GABRB3: variants seen among roughly 807,000 people sequenced by gnomAD.
The protein encoded by GABRB3 is gamma-aminobutyric acid type A receptor subunit beta3.
GABRB3 carries 14 observed loss-of-function variants against 52.1 expected under a neutral mutation model. The observed-to-expected ratio is 0.27, with a 90% CI of 0.18 to 0.42. The LOEUF is 0.42. GABRB3 is among the 10% of genes least tolerant of loss of function. The pLI, the probability that GABRB3 is intolerant of heterozygous loss-of-function variation, is 1.00. For synonymous variants in GABRB3, 260 were observed against 232.3 expected (o/e 1.12, Z -1.08); for missense variants, 307 against 609.1 (o/e 0.50, Z 5.22).
At chr15:26,677,060 T>G (rs1426800583) in intron 3 of GABRB3, among the ~76,000 whole-genome samples, 1 of 152,196 alleles carries the variant, frequency 6.6e-6, no homozygotes, top group Non-Finnish European at 1.5e-5. Flanking sequence ...TGGTAGCACA[T>G]GGAATAACAT....
At chr15:26,629,938 C>T (rs960044310) in intron 3 of GABRB3, among the ~76,000 whole-genome samples, 2 of 152,010 alleles carry the variant, frequency 1.3e-5, no homozygotes, top group African/African-American at 4.8e-5. Flanking sequence ...TAAGGTGCAG[C>T]GCCAATCCTG....
chr15:26,604,396 C>T (rs1471154559), intron 4 of GABRB3, among the ~76,000 whole-genome samples: 1 of 152,082 alleles, frequency 6.6e-6, no homozygotes, highest in African/African-American at 2.4e-5. Flanking sequence ...TGACATTCTT[C>T]ACAGAAATAG....
At chr15:26,599,445 A>G (rs1891509387) in intron 4 of GABRB3, among the ~76,000 whole-genome samples, 1 of 152,188 alleles carries the variant, frequency 6.6e-6, no homozygotes. Context: ...GATCCCAAAT[A>G]GCAAAAGGGC....
chr15:26,639,698 CAT>C (rs1405461228), intron 3 of GABRB3, among the ~76,000 whole-genome samples: 1 of 152,200 alleles, frequency 6.6e-6, no homozygotes, highest in Non-Finnish European at 1.5e-5. Context: ...AGTGTATTCA[CAT>C]AGTGTATTCA....
At chr15:26,550,809 G>A (rs1252531552) in intron 8 of GABRB3, among the ~76,000 whole-genome samples, 3 of 152,266 alleles carry the variant, frequency 2.0e-5, no homozygotes, top group Non-Finnish European at 2.9e-5. Flanking sequence ...GTACCTGCAC[G>A]TGTGGCCTAA....
chr15:26,663,583 T>C (rs1208833716), intron 3 of GABRB3, among the ~76,000 whole-genome samples: 1 of 152,226 alleles, frequency 6.6e-6, no homozygotes, highest in South Asian at 2.1e-4. Flanking sequence ...GACTTTCAAC[T>C]TACCTGTGCT....
At chr15:26,757,606 A>G (rs1203339518) in intron 3 of GABRB3, among the ~76,000 whole-genome samples, 1 of 152,262 alleles carries the variant, frequency 6.6e-6, no homozygotes, top group African/African-American at 2.4e-5. Flanking sequence ...AAGCTTAAGT[A>G]TTTAGAAGGA....
At chr15:26,647,679 A>C (rs1316478611) in intron 3 of GABRB3, among the ~76,000 whole-genome samples, 13 of 151,334 alleles carry the variant, frequency 8.6e-5, no homozygotes, top group Non-Finnish European at 1.5e-5. Flanking sequence ...GACCGTTTGG[A>C]ATGCAGTCTG....
intron 7 of GABRB3, 145 bp from the exon 8 acceptor site, chr15:26,561,321 C>T: frequency 8.7e-7 from 1 of 1,149,930 alleles, no homozygotes; most frequent in South Asian, 1.3e-5. Flanking sequence ...TGCAACAGAG[C>T]ATACATCTTG....
At chr15:26,648,295 T>C (rs775821802) in intron 3 of GABRB3, among the ~76,000 whole-genome samples, 1 of 152,242 alleles carries the variant, frequency 6.6e-6, no homozygotes, top group Non-Finnish European at 1.5e-5. Context: ...GGTTCATCCA[T>C]GTGGAAACAT....
At chr15:26,773,265 G>C (rs1174118141), upstream of GABRB3, among the ~76,000 whole-genome samples, 4 of 150,058 alleles carry the variant, frequency 2.7e-5, no homozygotes, top group Admixed American at 6.6e-5. Context: ...GGCCCTGGGC[G>C]CTCCCCTCCC....
chr15:26,599,404 A>T lies in GABRB3; in HGVS notation c.462-15990T>A, dbSNP rs562685097. 8.8e-4 allele frequency among the ~76,000 whole-genome samples: 134 copies of T among 152,266 alleles called. 1 individual carries two copies. The Middle Eastern group carries it at 0.017, about 19-fold the overall frequency. ...CTAAACAGTGACCCCACCTAAACTC[A>T]GGGCCTGGCCTGCAGCCCTGCTCAA... On this transcript the variant is annotated intron_variant, in intron 4 of 8. Transcript: ENST00000311550.
At chr15:26,563,753 C>T (rs1197319925) in intron 7 of GABRB3, among the ~76,000 whole-genome samples, 1 of 152,184 alleles carries the variant, frequency 6.6e-6, no homozygotes, top group African/African-American at 2.4e-5. Flanking sequence ...GGAAATCATC[C>T]AGCTGCAGTA....
At chr15:26,591,458 T>TA (rs1269127631) in intron 4 of GABRB3, among the ~76,000 whole-genome samples, 2 of 152,170 alleles carry the variant, frequency 1.3e-5, no homozygotes, top group African/African-American at 4.8e-5. Flanking sequence ...GGTGAATGAG[T>TA]AGTCCCATCA....
rs146996688 is a variant in GABRB3 at position 26,572,489 on chromosome 15, C to T, written c.683-4756G>A. Among the ~76,000 whole-genome samples the T allele has an allele frequency of 4.4e-3, 666 of 152,224 alleles. 5 individuals are homozygous for T. The highest frequency in any genetic ancestry group is 0.015 in the African/African-American group (641 of 41,532). On this transcript the variant is annotated intron_variant, in intron 6 of 8. Coordinates refer to ENST00000311550, the MANE Select transcript of GABRB3 (RefSeq NM_000814.6). ...GTTAGTCAACCCAAGAATTATCTGA[C>T]GTAGTAGATCTATTCTGCTAGGCAA...
At chr15:26,634,431 G>C (rs1280388631) in intron 3 of GABRB3, among the ~76,000 whole-genome samples, 1 of 152,024 alleles carries the variant, frequency 6.6e-6, no homozygotes, top group African/African-American at 2.4e-5. Flanking sequence ...ACTATGTTCT[G>C]TCGATACTAT....
At chr15:26,772,283 T>C in intron 3 of GABRB3, 119 bp downstream of exon 3, 2 of 881,840 alleles carry the variant, frequency 2.3e-6, no homozygotes, top group South Asian at 3.2e-5. Flanking sequence ...CGGCTCCCTC[T>C]GCGGACCGGG....
intron 3 of GABRB3, among the ~76,000 whole-genome samples, chr15:26,696,024 C>T (rs988524118): frequency 2.0e-5 from 3 of 152,134 alleles, no homozygotes; most frequent in Non-Finnish European, 2.9e-5. Context: ...TGAAACAATA[C>T]GAAGCAAAAC....
chr15:26,714,108 G>T (rs1889391932), intron 3 of GABRB3, among the ~76,000 whole-genome samples: 1 of 152,230 alleles, frequency 6.6e-6, no homozygotes, highest in African/African-American at 2.4e-5. Context: ...AGCCGAGGAA[G>T]GTGTGCAGAA....
Sources: allele counts gnomAD v4.1 joint callset (sites outside exome capture counted in the v4.1 genomes callset), GRCh38; gene constraint gnomAD v4.1.1; transcripts MANE v1.5; gene names NCBI Gene and HGNC (gene_info 2026-07-23, HGNC 2026-07-21).